MLLT3: variants seen among roughly 807,000 people sequenced by gnomAD.
MLLT3 encodes the protein protein AF-9.
A neutral mutation model predicts 53.2 loss-of-function variants in MLLT3; 4 were observed. The ratio of observed to expected loss-of-function variants is 0.08; its 90% CI spans 0.04 to 0.17. The LOEUF (loss-of-function observed/expected upper bound fraction) is 0.17, where lower values mean the gene tolerates loss of function less well. Ranked by LOEUF, MLLT3 falls within the 10% of genes least tolerant of loss-of-function variation. MLLT3 has a pLI of 1.00. For synonymous variants in MLLT3, 283 were observed against 230.6 expected, an observed-to-expected ratio of 1.23 and a Z score of -2.06; for missense variants, 569 against 684.0, an observed-to-expected ratio of 0.83 and a Z score of 1.87.
chr9:20,540,911 T>C (rs1415783363), intron 2 of MLLT3, among the ~76,000 whole-genome samples: 1 of 152,242 alleles, frequency 6.6e-6, no homozygotes, highest in East Asian at 1.9e-4. Context: ...TAAGTTCGAA[T>C]TTCAGAACAT....
intron 5 of MLLT3, among the ~76,000 whole-genome samples, chr9:20,375,853 C>T (rs1212830961): frequency 1.3e-5 from 2 of 151,992 alleles, no homozygotes; most frequent in African/African-American, 2.4e-5. Flanking sequence ...CGTGATCCGC[C>T]CGCCTCAGCC....
intron 3 of MLLT3, 89 bp downstream of exon 3, chr9:20,456,615 A>G: frequency 2.2e-6 from 2 of 918,642 alleles, no homozygotes; most frequent in East Asian, 2.5e-5. Context: ...ATCTAGTGAC[A>G]GAAGTGCTTA....
In MLLT3 at chr9:20,539,921, T is replaced by C. The variant is rs145877351; in HGVS notation, c.193+80733A>G. Among the ~76,000 whole-genome samples the C allele has an allele frequency of 1.2e-4, 19 of 152,170 alleles. No homozygotes were observed. In the East Asian group the frequency reaches 3.7e-3, roughly 29 times the overall value. On this transcript the variant is annotated intron_variant, in intron 2 of 10. Transcript: ENST00000380338. ...GAAGCCTATAAAATCAAAAACAAAT[T>C]AGTTACTTCCAAGATACAATGGAGG...
intron 2 of MLLT3, among the ~76,000 whole-genome samples, chr9:20,469,961 G>T (rs1044351618): frequency 1.3e-5 from 2 of 151,906 alleles, no homozygotes; most frequent in Non-Finnish European, 2.9e-5. Flanking sequence ...AATATTAACA[G>T]AAGTATGAAT....
chr9:20,539,879 AAGGTC>A (rs1355365814), intron 2 of MLLT3, among the ~76,000 whole-genome samples: 2 of 152,202 alleles, frequency 1.3e-5, no homozygotes, highest in African/African-American at 4.8e-5. Context: ...CCACATAAGG[AAGGTC>A]CCTTCCATCT....
chr9:20,568,572 G>C (rs1685524656), intron 2 of MLLT3, among the ~76,000 whole-genome samples: 1 of 152,128 alleles, frequency 6.6e-6, no homozygotes, highest in African/African-American at 2.4e-5. Context: ...CCAAGCTTAA[G>C]AGAAAACTAC....
At chr9:20,576,872 G>A (rs1276457069) in intron 2 of MLLT3, among the ~76,000 whole-genome samples, 4 of 152,244 alleles carry the variant, frequency 2.6e-5, no homozygotes, top group Admixed American at 6.5e-5. Context: ...CAGATGTGGT[G>A]GCACATGCCT....
chr9:20,477,276 C>G (rs560293414), intron 2 of MLLT3, among the ~76,000 whole-genome samples: 1 of 152,248 alleles, frequency 6.6e-6, no homozygotes, highest in African/African-American at 2.4e-5. Flanking sequence ...TTGGAAATTT[C>G]AAGGCTCTTT....
intron 5 of MLLT3, among the ~76,000 whole-genome samples, chr9:20,377,345 G>A (rs944927401): frequency 4.6e-5 from 7 of 152,106 alleles, no homozygotes; most frequent in African/African-American, 7.2e-5. Context: ...CATTTATAAC[G>A]GCAACATTGA....
intron 2 of MLLT3, among the ~76,000 whole-genome samples, chr9:20,538,055 C>T (rs1818530930): frequency 6.6e-6 from 1 of 152,104 alleles, no homozygotes; most frequent in South Asian, 2.1e-4. Context: ...CCCATTATAC[C>T]ATCTGGGTGT....
intron 2 of MLLT3, among the ~76,000 whole-genome samples, chr9:20,521,458 A>ATG (rs34711683): frequency 0.025 from 3,735 of 148,616 alleles, 92 homozygotes; most frequent in African/African-American, 0.061. Context: ...GTGTGTGTAT[A>ATG]TGTGTGTGTG....
At chr9:20,548,308 A>G (rs1417368734) in intron 2 of MLLT3, among the ~76,000 whole-genome samples, 2 of 152,234 alleles carry the variant, frequency 1.3e-5, no homozygotes, top group African/African-American at 4.8e-5. Flanking sequence ...TATCTTCTCC[A>G]GTTCTCTGAC....
intron 4 of MLLT3, among the ~76,000 whole-genome samples, chr9:20,443,689 T>C (rs1823610348): frequency 6.6e-6 from 1 of 152,168 alleles, no homozygotes; most frequent in South Asian, 2.1e-4. Flanking sequence ...TCACCATACC[T>C]TTAAGTGTCT....
At chr9:20,430,169 C>T (rs1387166960) in intron 4 of MLLT3, among the ~76,000 whole-genome samples, 1 of 152,046 alleles carries the variant, frequency 6.6e-6, no homozygotes, top group Non-Finnish European at 1.5e-5. Context: ...CATAAAACTA[C>T]ACAGATACTT....
chr9:20,404,126 C>A (rs1166892946), intron 5 of MLLT3, among the ~76,000 whole-genome samples: 1 of 152,136 alleles, frequency 6.6e-6, no homozygotes, highest in Admixed American at 6.5e-5. Flanking sequence ...CAGTCAGATA[C>A]TAAACATTTT....
chr9:20,452,583 G>T (rs1197553685), intron 3 of MLLT3, among the ~76,000 whole-genome samples: 1 of 152,124 alleles, frequency 6.6e-6, no homozygotes, highest in Admixed American at 6.5e-5. Flanking sequence ...TCAAGACAGA[G>T]TTGTATAAAC....
chr9:20,566,616 G>A (rs535958084), intron 2 of MLLT3, among the ~76,000 whole-genome samples: 2 of 152,176 alleles, frequency 1.3e-5, no homozygotes, highest in East Asian at 3.9e-4. Context: ...ATTCACCTGT[G>A]CATCCAGTAC....
intron 2 of MLLT3, among the ~76,000 whole-genome samples, chr9:20,472,346 T>C (rs1168139801): frequency 1.3e-5 from 2 of 152,084 alleles, no homozygotes; most frequent in African/African-American, 4.8e-5. Flanking sequence ...TTTCAACATA[T>C]GTGTTGCCGG....
intron 4 of MLLT3, among the ~76,000 whole-genome samples, chr9:20,415,628 C>T (rs1822851718): frequency 6.6e-6 from 1 of 152,030 alleles, no homozygotes; most frequent in Non-Finnish European, 1.5e-5. Flanking sequence ...TTATCTTTCA[C>T]CCTAACTCAC....
Sources: allele counts gnomAD v4.1 joint callset (sites outside exome capture counted in the v4.1 genomes callset), GRCh38; gene constraint gnomAD v4.1.1; transcripts MANE v1.5; gene names NCBI Gene and HGNC (gene_info 2026-07-23, HGNC 2026-07-21).